CMSS1: variants seen among roughly 807,000 people sequenced by gnomAD.
The protein encoded by CMSS1 is cms1 ribosomal small subunit homolog.
In CMSS1, 33 loss-of-function variants were observed where a neutral mutation model predicts 43.5. The ratio of observed to expected loss-of-function variants is 0.76; its 90% CI spans 0.57 to 1.01. CMSS1 has a LOEUF of 1.01. Ranked by LOEUF, CMSS1 falls within the 50% of genes least tolerant of loss-of-function variation. The probability of loss-of-function intolerance (pLI) is 0.00; values close to 1 mark genes in which losing one functional copy is unlikely to be tolerated. For missense variants in CMSS1, 313 were observed against 326.4 expected (o/e 0.96, Z 0.32); for synonymous variants, 115 against 117.2 (o/e 0.98, Z 0.12).
At chr3:99,934,214 G>A (rs1021980954) in intron 1 of CMSS1, among the ~76,000 whole-genome samples, 2 of 152,164 alleles carry the variant, frequency 1.3e-5, no homozygotes, top group Non-Finnish European at 2.9e-5. Flanking sequence ...ATTCAAGATT[G>A]AGGAAATAGA....
chr3:100,173,486 G>T (rs2067126548), intron 8 of CMSS1, among the ~76,000 whole-genome samples: 1 of 152,172 alleles, frequency 6.6e-6, no homozygotes, highest in South Asian at 2.1e-4. Flanking sequence ...TTCCCCTCAA[G>T]GAGCTCCTGA....
chr3:99,900,112 G>A (rs1266918539), intron 1 of CMSS1, among the ~76,000 whole-genome samples: 1 of 152,044 alleles, frequency 6.6e-6, no homozygotes, highest in Non-Finnish European at 1.5e-5. Flanking sequence ...CACATAGCAG[G>A]TATTCAGTAA....
chr3:99,895,278 G>T (rs1360477518), intron 1 of CMSS1, among the ~76,000 whole-genome samples: 2 of 151,974 alleles, frequency 1.3e-5, no homozygotes, highest in Non-Finnish European at 2.9e-5. Flanking sequence ...CATGTTCACT[G>T]CTGGAAAAGC....
chr3:99,876,628 C>T (rs1705538752), intron 1 of CMSS1, among the ~76,000 whole-genome samples: 1 of 152,104 alleles, frequency 6.6e-6, no homozygotes, highest in East Asian at 1.9e-4. Flanking sequence ...GTGGAGACAT[C>T]TCTGGGGGTG....
chr3:99,819,763 T>C (rs1159836678), intron 1 of CMSS1, among the ~76,000 whole-genome samples: 1 of 151,572 alleles, frequency 6.6e-6, no homozygotes, highest in East Asian at 1.9e-4. Flanking sequence ...TTTTCTTTTT[T>C]TTTTTTTTTG....
chr3:100,166,608 C>A (rs1343246008), intron 5 of CMSS1, among the ~76,000 whole-genome samples: 1 of 152,188 alleles, frequency 6.6e-6, no homozygotes, highest in East Asian at 1.9e-4. Flanking sequence ...AATTTCCTAT[C>A]TGAAAAATAA....
intron 1 of CMSS1, among the ~76,000 whole-genome samples, chr3:99,847,257 C>T (rs1295042849): frequency 6.6e-6 from 1 of 151,342 alleles, no homozygotes; most frequent in African/African-American, 2.4e-5. Context: ...TGAATGCAGG[C>T]CCCTTATGAA....
chr3:99,905,026 C>T (rs1706567180), intron 1 of CMSS1, among the ~76,000 whole-genome samples: 1 of 152,222 alleles, frequency 6.6e-6, no homozygotes, highest in Non-Finnish European at 1.5e-5. Flanking sequence ...ACTCTGACTT[C>T]ATCCTCTGCC....
chr3:99,843,233 G>T (rs1943211646), intron 1 of CMSS1, among the ~76,000 whole-genome samples: 1 of 152,150 alleles, frequency 6.6e-6, no homozygotes, highest in Non-Finnish European at 1.5e-5. Flanking sequence ...TAAGTTGAGG[G>T]CCTGGGATTG....
chr3:99,994,131 T>C (rs1378390585), intron 1 of CMSS1, among the ~76,000 whole-genome samples: 1 of 152,210 alleles, frequency 6.6e-6, no homozygotes, highest in East Asian at 1.9e-4. Flanking sequence ...GGAGATTTTT[T>C]ATTACTGATT....
rs1019266872 is a variant in CMSS1, at chr3:100,076,863, A to G, written c.65-70110A>G. ...CTTACTCAGTATTTACAGCTCTGCT[A>G]TCATTTCTTGCCCACTATTATGTCC... On this transcript the variant is annotated intron_variant, in intron 1 of 9. Coordinates refer to ENST00000421999, the MANE Select transcript of CMSS1 (RefSeq NM_032359.4). Among the ~76,000 whole-genome samples the G allele has an allele frequency of 3.9e-5, 6 of 152,240 alleles. 1 individual carries two copies. The highest frequency in any genetic ancestry group is 4.1e-4 in the South Asian group (2 of 4,834).
chr3:99,991,120 C>G (rs1317745479), intron 1 of CMSS1, among the ~76,000 whole-genome samples: 1 of 152,158 alleles, frequency 6.6e-6, no homozygotes, highest in African/African-American at 2.4e-5. Context: ...CCATCTCCCC[C>G]CATAATGGAA....
Position 100,115,575 on chromosome 3 carries a change from G to GTC in CMSS1, c.65-31346_65-31345dup, listed in dbSNP as rs66793218. On this transcript the variant is annotated intron_variant, in intron 1 of 9. Transcript: ENST00000421999. ...TTTCTCTTTCTCTCTCTCTCTCTCTGTCTCTCTCTCTCTCTCTCTCTCTCT... is the reference window on the plus strand; with the variant it reads ...TTTCTCTTTCTCTCTCTCTCTCTCTGTCTCTCTCTCTCTCTCTCTCTCTCTCT... Among the ~76,000 whole-genome samples the GTC allele has an allele frequency of 8.4e-3, 826 of 97,798 alleles. 18 individuals are homozygous for GTC. The highest frequency in any genetic ancestry group is 0.031 in the East Asian group (79 of 2,548). The allele number at this position is 97,798 out of a possible 152,430, so 64.2% of individuals were successfully genotyped here.
chr3:100,100,297 G>T (rs966807770), intron 1 of CMSS1, among the ~76,000 whole-genome samples: 3 of 152,152 alleles, frequency 2.0e-5, no homozygotes, highest in African/African-American at 7.2e-5. Flanking sequence ...TGTGAAAAGG[G>T]TAAAATGTAG....
intron 1 of CMSS1, among the ~76,000 whole-genome samples, chr3:100,009,238 T>C (rs1710073650): frequency 6.6e-6 from 1 of 152,230 alleles, no homozygotes; most frequent in African/African-American, 2.4e-5. Flanking sequence ...CCTACGGTAT[T>C]ATCAAGAATA....
Position 99,988,345 on chromosome 3 carries a change from A to C in CMSS1, c.65-158628A>C, listed in dbSNP as rs1383263438. 3.4e-3 allele frequency among the ~76,000 whole-genome samples: 502 copies of C among 148,094 alleles called. 13 individuals are homozygous for C. Among genetic ancestry groups the C allele is most frequent in the African/African-American group, 0.012 (491 of 40,300 alleles). On this transcript the variant is annotated intron_variant, in intron 1 of 9. Coordinates refer to ENST00000421999, the MANE Select transcript of CMSS1 (RefSeq NM_032359.4). ...ACCCCACCTCTACTAAAAATCCAAA[A>C]AAAAAAAAAAAAAAAAAATTAGCCA...
At chr3:99,934,315 C>CCA (rs1438167057) in intron 1 of CMSS1, among the ~76,000 whole-genome samples, 1 of 152,174 alleles carries the variant, frequency 6.6e-6, no homozygotes, top group African/African-American at 2.4e-5. Flanking sequence ...TTCACCACAC[C>CCA]CACAGATTCA....
At chr3:99,841,401 C>G (rs1479148020) in intron 1 of CMSS1, among the ~76,000 whole-genome samples, 1 of 152,160 alleles carries the variant, frequency 6.6e-6, no homozygotes. Context: ...TTTGCCGGAA[C>G]AGCAGATAAC....
intron 2 of CMSS1, among the ~76,000 whole-genome samples, chr3:100,157,925 A>T (rs1161669067): frequency 1.3e-5 from 2 of 152,276 alleles, no homozygotes; most frequent in African/African-American, 4.8e-5. Flanking sequence ...AAAGTACTGG[A>T]CCTTCTCAGA....
Sources: gnomAD v4.1 joint callset for allele counts (sites outside exome capture counted in the v4.1 genomes callset) on GRCh38, gnomAD v4.1.1 for gene constraint, MANE v1.5 for transcripts, NCBI Gene and HGNC (gene_info 2026-07-23, HGNC 2026-07-21) for gene names.